The following PRKCH variants were observed in gnomAD, a reference collection of about 807,000 sequenced individuals.
PRKCH encodes the protein protein kinase C eta, also known as protein kinase C eta type.
Under a neutral mutation model 82.5 loss-of-function variants are expected in PRKCH, and 28 were observed. That is an observed-to-expected ratio of 0.34 (90% CI 0.25 to 0.47). PRKCH has a LOEUF of 0.47. Ranked by LOEUF, PRKCH falls within the 20% of genes least tolerant of loss-of-function variation. The probability of loss-of-function intolerance (pLI) is 1.00; values close to 1 mark genes in which losing one functional copy is unlikely to be tolerated. For missense variants in PRKCH, 705 were observed against 881.8 expected, an observed-to-expected ratio of 0.80 and a Z score of 2.54; for synonymous variants, 322 against 327.4, an observed-to-expected ratio of 0.98 and a Z score of 0.18.
At chr14:61,217,080 C>T (rs868565214) in intron 1 of PRKCH, among the ~76,000 whole-genome samples, 2 of 152,118 alleles carry the variant, frequency 1.3e-5, no homozygotes, top group South Asian at 2.1e-4. Flanking sequence ...AGCTGTGTTT[C>T]CATTTTTAAA....
At chr14:61,314,183 T>C (rs1183877899) in intron 1 of PRKCH, among the ~76,000 whole-genome samples, 1 of 38,964 alleles carries the variant, frequency 2.6e-5, no homozygotes, top group Non-Finnish European at 6.4e-5. Flanking sequence ...TTTTATTGTG[T>C]ATGAAGTCTT....
chr14:61,373,017 G>C (rs1847920263), intron 1 of PRKCH, among the ~76,000 whole-genome samples: 2 of 151,984 alleles, frequency 1.3e-5, no homozygotes, highest in Non-Finnish European at 2.9e-5. Flanking sequence ...TGCTGAGAGA[G>C]TCCTTCAGTT....
intron 1 of PRKCH, among the ~76,000 whole-genome samples, chr14:61,202,565 G>A (rs1418056953): frequency 6.6e-6 from 1 of 152,186 alleles, no homozygotes; most frequent in African/African-American, 2.4e-5. Flanking sequence ...GGGGAGGGGA[G>A]GATGCATTCA....
intron 2 of PRKCH, among the ~76,000 whole-genome samples, chr14:61,432,067 CTT>C (rs59238281): frequency 0.66 from 94,290 of 143,492 alleles, 31,025 homozygotes; most frequent in East Asian, 0.72. Flanking sequence ...ATCTCTCTCT[CTT>C]TTTTTTTTTT....
chr14:61,476,146 G>A (rs1885718287), intron 9 of PRKCH, among the ~76,000 whole-genome samples: 1 of 152,114 alleles, frequency 6.6e-6, no homozygotes, highest in Non-Finnish European at 1.5e-5. Context: ...AAAATGGTTG[G>A]GTGAAACGAA....
intron 1 of PRKCH, among the ~76,000 whole-genome samples, chr14:61,271,585 C>T (rs940847644): frequency 1.3e-5 from 2 of 152,226 alleles, no homozygotes; most frequent in African/African-American, 4.8e-5. Flanking sequence ...AATTCTGGCT[C>T]TCTATACTGC....
chr14:61,402,915 T>C (rs906279521), intron 2 of PRKCH, among the ~76,000 whole-genome samples: 10 of 151,964 alleles, frequency 6.6e-5, no homozygotes, highest in African/African-American at 2.4e-4. Context: ...TTAGGGTACA[T>C]GTGCACAATG....
intron 3 of PRKCH, among the ~76,000 whole-genome samples, chr14:61,444,546 C>T (rs1884124562): frequency 6.6e-6 from 1 of 150,654 alleles, no homozygotes; most frequent in Non-Finnish European, 1.5e-5. Context: ...CTTTTTTCCA[C>T]CAGAGAAACA....
intron 9 of PRKCH, among the ~76,000 whole-genome samples, chr14:61,483,036 C>T (rs560780029): frequency 7.2e-5 from 11 of 152,354 alleles, no homozygotes; most frequent in Admixed American, 2.0e-4. Flanking sequence ...GTCAGATCCA[C>T]GAGGAAGATG....
At chr14:61,212,538 G>A (rs1345455226) in intron 1 of PRKCH, among the ~76,000 whole-genome samples, 1 of 152,128 alleles carries the variant, frequency 6.6e-6, no homozygotes, top group Non-Finnish European at 1.5e-5. Context: ...TCTTTTCTAT[G>A]TTTCTTCTTC....
chr14:61,227,373 C>A (rs969375805), intron 1 of PRKCH, among the ~76,000 whole-genome samples: 10 of 152,182 alleles, frequency 6.6e-5, no homozygotes, highest in African/African-American at 2.2e-4. Context: ...GGCAGGGGAT[C>A]ACGAGGTCAG....
chr14:61,257,649 A>C (rs997037507), intron 1 of PRKCH, among the ~76,000 whole-genome samples: 10 of 151,016 alleles, frequency 6.6e-5, no homozygotes, highest in African/African-American at 2.4e-4. Context: ...ACACACACAC[A>C]CGCATACACA....
intron 10 of PRKCH, among the ~76,000 whole-genome samples, chr14:61,518,198 C>T (rs889576865): frequency 2.0e-5 from 3 of 152,146 alleles, no homozygotes; most frequent in Non-Finnish European, 4.4e-5. Context: ...CTGTTGTCTC[C>T]TGGTGTCTTT....
chr14:61,210,161 T>TATAA (rs1555369165), intron 1 of PRKCH, among the ~76,000 whole-genome samples: 1,086 of 94,966 alleles, frequency 0.011, 68 homozygotes, highest in Non-Finnish European at 0.017. Context: ...TATATATATA[T>TATAA]AAATTAGCTT....
intron 1 of PRKCH, among the ~76,000 whole-genome samples, chr14:61,233,628 G>T (rs2044762665): frequency 6.6e-6 from 1 of 152,096 alleles, no homozygotes; most frequent in Non-Finnish European, 1.5e-5. Flanking sequence ...CACCTGCTGG[G>T]AAGTAATTTA....
At position 61,292,771 on chromosome 14, in the gene PRKCH, C is replaced by CAAAA. The variant is rs33918460; in HGVS notation, c.-19+105121_-19+105124dup. Reference sequence around the variant, plus strand: ...GGGCAACAGAGTGAGACTCCATCTCCAAAAAAAAAAAAAAAAAAAAAGCAC... The same window carrying CAAAA: ...GGGCAACAGAGTGAGACTCCATCTCCAAAAAAAAAAAAAAAAAAAAAAAAAGCAC... On this transcript the variant is annotated intron_variant, in intron 1 of 3. Transcript: ENST00000555185. Among the ~76,000 whole-genome samples the CAAAA allele has an allele frequency of 5.6e-4, 39 of 69,522 alleles. 1 individual carries two copies. Among genetic ancestry groups the CAAAA allele is most frequent in the East Asian group, 4.2e-3 (10 of 2,354 alleles). The allele number at this position is 69,522 out of a possible 152,430, so 45.6% of individuals were successfully genotyped here.
intron 2 of PRKCH, among the ~76,000 whole-genome samples, chr14:61,428,362 A>T (rs1883232275): frequency 2.0e-5 from 3 of 152,026 alleles, no homozygotes. Flanking sequence ...TGGTCAGTTG[A>T]GTCTAAACTC....
At chr14:61,424,511 A>T (rs1883009107) in intron 2 of PRKCH, among the ~76,000 whole-genome samples, 1 of 152,228 alleles carries the variant, frequency 6.6e-6, no homozygotes, top group Non-Finnish European at 1.5e-5. Flanking sequence ...TAGCAAAGAG[A>T]CTGACAGCAT....
chr14:61,512,980 C>G (rs2042768692), intron 10 of PRKCH, among the ~76,000 whole-genome samples: 1 of 152,052 alleles, frequency 6.6e-6, no homozygotes, highest in Non-Finnish European at 1.5e-5. Context: ...CCACACCCAG[C>G]TAGTTTTAAA....
Sources: gnomAD v4.1 joint callset for allele counts (sites outside exome capture counted in the v4.1 genomes callset) on GRCh38, gnomAD v4.1.1 for gene constraint, MANE v1.5 for transcripts, NCBI Gene and HGNC (gene_info 2026-07-23, HGNC 2026-07-21) for gene names.